The following CTNNA3 variants were observed in gnomAD, a reference collection of about 807,000 sequenced individuals.
The protein encoded by CTNNA3 is catenin alpha-3.
Under a neutral mutation model 95.7 loss-of-function variants are expected in CTNNA3, and 76 were observed. That is an observed-to-expected ratio of 0.79 (90% CI 0.66 to 0.96). The LOEUF is 0.96. CTNNA3 is among the 40% of genes least tolerant of loss of function. The pLI is 0.00. For synonymous variants in CTNNA3, 431 were observed against 374.4 expected, an observed-to-expected ratio of 1.15 and a Z score of -1.74; for missense variants, 1,191 against 1,089.8, an observed-to-expected ratio of 1.09 and a Z score of -1.31.
intron 10 of CTNNA3, among the ~76,000 whole-genome samples, chr10:66,620,815 A>G (rs190028636): frequency 2.4e-4 from 37 of 152,326 alleles, no homozygotes; most frequent in East Asian, 3.9e-4. Flanking sequence ...AGGCAAATCA[A>G]TAATTTAACA....
At chr10:67,057,617 A>ATTCC (rs1348231447) in intron 7 of CTNNA3, among the ~76,000 whole-genome samples, 4 of 152,096 alleles carry the variant, frequency 2.6e-5, no homozygotes, top group Non-Finnish European at 5.9e-5. Context: ...TAAGACTGAG[A>ATTCC]ATACTGACCC....
At chr10:66,572,293 G>A (rs992086106) in intron 10 of CTNNA3, among the ~76,000 whole-genome samples, 1 of 151,490 alleles carries the variant, frequency 6.6e-6, no homozygotes, top group Non-Finnish European at 1.5e-5. Flanking sequence ...TGAAGCAGGA[G>A]AATCGCTTAA....
At chr10:66,879,073 C>A (rs1844744363) in intron 7 of CTNNA3, among the ~76,000 whole-genome samples, 1 of 152,034 alleles carries the variant, frequency 6.6e-6, no homozygotes, top group African/African-American at 2.4e-5. Context: ...TTTACAGAAA[C>A]ACATTCAAGA....
chr10:66,346,014 T>C (rs150739080), intron 12 of CTNNA3, among the ~76,000 whole-genome samples: 2,535 of 141,364 alleles, frequency 0.018, 72 homozygotes, highest in African/African-American at 0.062. Flanking sequence ...GAGACAGAGG[T>C]TGCAGTGAGC....
At chr10:67,283,267 A>G (rs757989498) in intron 5 of CTNNA3, among the ~76,000 whole-genome samples, 57 of 152,326 alleles carry the variant, frequency 3.7e-4, no homozygotes, top group Non-Finnish European at 6.3e-4. Context: ...TAAAATAATA[A>G]TTGGTCGCAG....
intron 1 of CTNNA3, among the ~76,000 whole-genome samples, chr10:67,690,440 C>T (rs1270159020): frequency 6.6e-6 from 1 of 152,128 alleles, no homozygotes; most frequent in African/African-American, 2.4e-5. Context: ...TTATTTGGCC[C>T]CCACCATGTC....
chr10:66,673,885 G>A (rs1244118872), intron 9 of CTNNA3, among the ~76,000 whole-genome samples: 1 of 151,890 alleles, frequency 6.6e-6, no homozygotes, highest in Non-Finnish European at 1.5e-5. Flanking sequence ...TTTGATTCTT[G>A]TCTTTGTAAA....
At position 66,086,426 on chromosome 10, in the gene CTNNA3, A is replaced by G. The variant is rs76312248; in HGVS notation, c.1977+16731T>C. Among the ~76,000 whole-genome samples, 129 of 152,296 alleles carry G rather than the reference A, an allele frequency of 8.5e-4. 1 individual carries two copies. In the East Asian group the frequency reaches 0.02, roughly 23 times the overall value. ...TAGTAATTGGAAACATTTTCAAAGT[A>G]AAAGATGAGAGACCATGGTTTTTGC... On this transcript the variant is annotated intron_variant, in intron 14 of 17. Coordinates refer to ENST00000433211, the MANE Select transcript of CTNNA3 (RefSeq NM_013266.4).
At chr10:67,430,535 AT>A (rs999602869) in intron 5 of CTNNA3, among the ~76,000 whole-genome samples, 79 of 151,460 alleles carry the variant, frequency 5.2e-4, no homozygotes, top group African/African-American at 1.7e-3. Context: ...AGTACCCAGA[AT>A]TTTTTTTTAC....
At position 66,190,313 on chromosome 10, in the gene CTNNA3, A is replaced by G. The variant is rs2086600044; in HGVS notation, c.1885-87064T>C. Among the ~76,000 whole-genome samples, 4 of 152,162 alleles carry G rather than the reference A, an allele frequency of 2.6e-5. No individual in the cohort carries two copies. The South Asian group carries it at 8.3e-4, about 32-fold the overall frequency. On this transcript the variant is annotated intron_variant, in intron 13 of 17. Coordinates refer to ENST00000433211, the MANE Select transcript of CTNNA3 (RefSeq NM_013266.4). ...CAGAGAAATAAAAACAAACCTGTCA[A>G]ACAAGAATTCTTCATCCAGGGGAAC...
intron 5 of CTNNA3, among the ~76,000 whole-genome samples, chr10:67,459,934 T>C (rs992886324): frequency 2.0e-5 from 3 of 152,194 alleles, no homozygotes; most frequent in Admixed American, 6.5e-5. Flanking sequence ...TCTTGAAACA[T>C]TGTATATTAA....
At chr10:66,184,558 G>A (rs373326929) in intron 13 of CTNNA3, among the ~76,000 whole-genome samples, 31 of 151,872 alleles carry the variant, frequency 2.0e-4, no homozygotes, top group African/African-American at 5.1e-4. Context: ...TCTATCTTTC[G>A]TCATTGTTTT....
At chr10:66,807,366 G>A (rs916864303) in intron 7 of CTNNA3, among the ~76,000 whole-genome samples, 3 of 152,052 alleles carry the variant, frequency 2.0e-5, no homozygotes, top group African/African-American at 4.8e-5. Flanking sequence ...CATAAGTGAC[G>A]TATGTTGAAG....
At chr10:67,151,008 A>G (rs554733919) in intron 7 of CTNNA3, among the ~76,000 whole-genome samples, 3 of 152,316 alleles carry the variant, frequency 2.0e-5, no homozygotes, top group Non-Finnish European at 4.4e-5. Context: ...TCTTCAGTAG[A>G]TAATGGAATT....
chr10:67,521,950 T>A lies in CTNNA3; in HGVS notation c.471A>T (p.Thr157=). The A allele has an allele frequency of 6.2e-7, 1 of 1,611,492 alleles. No individual in the cohort carries two copies. Among genetic ancestry groups the A allele is most frequent in the Non-Finnish European group, 8.5e-7 (1 of 1,178,494 alleles). ...TGGCAACATTTTTGAGAGACTCAAA[T>A]GTCCTTTGAAACTGAAATTGAAAAC... The part of the protein sequence containing the change: ...LLQHVSAFQR[T]FESLKNVANK... Residue 157 remains threonine, a synonymous_variant, in exon 5 of 18, where the codon ACA becomes ACT. Transcript: ENST00000433211.
At chr10:67,251,431 C>T (rs1866105106) in intron 5 of CTNNA3, among the ~76,000 whole-genome samples, 1 of 152,038 alleles carries the variant, frequency 6.6e-6, no homozygotes, top group African/African-American at 2.4e-5. Context: ...TGTAACTATA[C>T]TAAAAACTAT....
At chr10:66,704,889 C>A (rs1848068122) in intron 9 of CTNNA3, among the ~76,000 whole-genome samples, 1 of 152,038 alleles carries the variant, frequency 6.6e-6, no homozygotes, top group Non-Finnish European at 1.5e-5. Context: ...TTCATTCATT[C>A]ATTCATTCAT....
chr10:67,386,402 A>G (rs948061114), intron 5 of CTNNA3, among the ~76,000 whole-genome samples: 1 of 152,110 alleles, frequency 6.6e-6, no homozygotes, highest in African/African-American at 2.4e-5. Context: ...CACCCCCTCC[A>G]TGTCCATCTC....
At position 67,645,195 on chromosome 10, in the gene CTNNA3, A is replaced by G. The variant is rs10997768; in HGVS notation, c.99+2220T>C. Among the ~76,000 whole-genome samples the G allele has an allele frequency of 2.6e-3, 395 of 149,372 alleles. 1 individual carries two copies. Among genetic ancestry groups the G allele is most frequent in the Admixed American group, 0.019 (289 of 14,998 alleles). On this transcript the variant is annotated intron_variant, in intron 2 of 17. Coordinates refer to ENST00000433211, the MANE Select transcript of CTNNA3 (RefSeq NM_013266.4). ...TGCCATAAAATGTGCACGTGCGCGC[A>G]CACACACACACACACACACTGTGAC...
Sources: gnomAD v4.1 joint callset for allele counts (sites outside exome capture counted in the v4.1 genomes callset) on GRCh38, gnomAD v4.1.1 for gene constraint, MANE v1.5 for transcripts, NCBI Gene and HGNC (gene_info 2026-07-23, HGNC 2026-07-21) for gene names.